The following CDH13 variants were observed in gnomAD, a reference collection of about 807,000 sequenced individuals.
CDH13 encodes the protein cadherin-13.
A neutral mutation model predicts 63.8 loss-of-function variants in CDH13; 24 were observed. That is an observed-to-expected ratio of 0.38 (90% CI 0.27 to 0.53). The LOEUF is 0.53. Ranked by LOEUF, CDH13 falls within the 20% of genes least tolerant of loss-of-function variation. CDH13 has a pLI of 0.85. For synonymous variants in CDH13, 503 were observed against 355.3 expected (o/e 1.42, Z -4.67); for missense variants, 1,049 against 903.1 (o/e 1.16, Z -2.07).
intron 5 of CDH13, among the ~76,000 whole-genome samples, chr16:83,297,707 C>G (rs2089635590): frequency 6.6e-6 from 1 of 152,076 alleles, no homozygotes; most frequent in South Asian, 2.1e-4. Context: ...TCAGATAAGG[C>G]TTTGATGTGA....
intron 2 of CDH13, among the ~76,000 whole-genome samples, chr16:83,009,048 T>C (rs1369250748): frequency 1.3e-5 from 2 of 152,222 alleles, no homozygotes; most frequent in African/African-American, 4.8e-5. Flanking sequence ...GGGAAACTAC[T>C]GCCATTATTC....
chr16:83,058,052 T>C (rs1026824385), intron 3 of CDH13, among the ~76,000 whole-genome samples: 1 of 152,248 alleles, frequency 6.6e-6, no homozygotes, highest in South Asian at 2.1e-4. Context: ...AGTAAGAATA[T>C]TTACTTCTAA....
chr16:82,974,802 G>T (rs1174465907), intron 2 of CDH13, among the ~76,000 whole-genome samples: 1 of 152,192 alleles, frequency 6.6e-6, no homozygotes, highest in Non-Finnish European at 1.5e-5. Flanking sequence ...AAAGGAAGCA[G>T]ATTTGTCCCT....
intron 1 of CDH13, among the ~76,000 whole-genome samples, chr16:82,697,536 C>A (rs979601427): frequency 3.6e-5 from 5 of 138,640 alleles, no homozygotes; most frequent in South Asian, 2.4e-4. Context: ...TCAAGCAATT[C>A]TTCTGCCTCA....
intron 10 of CDH13, among the ~76,000 whole-genome samples, chr16:83,691,071 CGTGTGTGTGTGTGTGTGTGT>C (rs58023339): frequency 0.069 from 9,718 of 140,988 alleles, 537 homozygotes; most frequent in African/African-American, 0.15. Context: ...CCAACTGTGC[CGTGTGTGTGTGTGTGTGTGT>C]GTGTGTGTGT....
intron 6 of CDH13, among the ~76,000 whole-genome samples, chr16:83,345,791 G>C (rs1024437180): frequency 6.6e-6 from 1 of 151,936 alleles, no homozygotes; most frequent in African/African-American, 2.4e-5. Context: ...AAATACACTT[G>C]AGTGAAAAAA....
intron 1 of CDH13, among the ~76,000 whole-genome samples, chr16:82,683,465 C>A (rs901700301): frequency 6.6e-6 from 1 of 152,168 alleles, no homozygotes; most frequent in South Asian, 2.1e-4. Context: ...GGAAGGATGG[C>A]CGTATGGTGA....
chr16:83,764,296 A>G (rs995443406), intron 11 of CDH13, among the ~76,000 whole-genome samples: 5 of 152,182 alleles, frequency 3.3e-5, no homozygotes, highest in Non-Finnish European at 7.3e-5. Context: ...TAGCCAGAAA[A>G]GGTGTCCTTG....
In CDH13 at chr16:82,757,998, C is replaced by T. The variant is rs117579549; in HGVS notation, c.46-100364C>T. Among the ~76,000 whole-genome samples the T allele has an allele frequency of 2.4e-4, 37 of 152,270 alleles. No individual in the cohort carries two copies. The East Asian group carries it at 7.0e-3, about 29-fold the overall frequency. On this transcript the variant is annotated intron_variant, in intron 1 of 13. Coordinates refer to ENST00000567109, the MANE Select transcript of CDH13 (RefSeq NM_001257.5). ...ATCAATCCATTCTGAGGCTAGAAAT[C>T]TCTCTGGCAAGTGTGTGAATGCAAA...
At chr16:83,306,793 C>T (rs1482794880) in intron 5 of CDH13, among the ~76,000 whole-genome samples, 1 of 152,010 alleles carries the variant, frequency 6.6e-6, no homozygotes, top group Non-Finnish European at 1.5e-5. Context: ...AACTGGGAAC[C>T]CACCAAAATA....
At chr16:83,306,620 C>T (rs2089886252) in intron 5 of CDH13, among the ~76,000 whole-genome samples, 1 of 152,124 alleles carries the variant, frequency 6.6e-6, no homozygotes, top group Non-Finnish European at 1.5e-5. Flanking sequence ...TATAATAATT[C>T]TGTAATTATT....
At chr16:83,405,404 G>C (rs11647481) in intron 6 of CDH13, among the ~76,000 whole-genome samples, 112,574 of 152,110 alleles carry the variant, frequency 0.74, 41,821 homozygotes, top group East Asian at 0.88. Context: ...TAACCACAAG[G>C]GTCCTTATAA....
chr16:82,996,604 T>A (rs947806076), intron 2 of CDH13, among the ~76,000 whole-genome samples: 1 of 152,170 alleles, frequency 6.6e-6, no homozygotes, highest in Non-Finnish European at 1.5e-5. Context: ...TGTTTAAGTT[T>A]TACGCCTTAT....
At chr16:82,806,385 T>C (rs564607864) in intron 1 of CDH13, among the ~76,000 whole-genome samples, 3 of 152,336 alleles carry the variant, frequency 2.0e-5, no homozygotes, top group South Asian at 4.1e-4. Context: ...ACAAAACGTA[T>C]ACCAGACACC....
intron 1 of CDH13, among the ~76,000 whole-genome samples, chr16:82,775,817 A>T (rs4783270): frequency 0.23 from 34,628 of 152,096 alleles, 4,442 homozygotes; most frequent in South Asian, 0.37. Flanking sequence ...AAGGTGAGGG[A>T]CATATCCTTT....
chr16:83,003,554 A>G (rs1913166143), intron 2 of CDH13, among the ~76,000 whole-genome samples: 2 of 152,252 alleles, frequency 1.3e-5, no homozygotes, highest in South Asian at 4.1e-4. Context: ...GCTTTATTTC[A>G]TACCCAAGCA....
intron 6 of CDH13, among the ~76,000 whole-genome samples, chr16:83,439,916 C>A (rs1018698329): frequency 6.6e-6 from 1 of 152,142 alleles, no homozygotes; most frequent in African/African-American, 2.4e-5. Flanking sequence ...GTAAAAAATT[C>A]TATGTAGGTC....
chr16:83,743,748 C>CTTTTTTTTTTTTTTTTT lies in CDH13; in HGVS notation c.1539-4357_1539-4341dup, dbSNP rs67886035. ...TGATGAGTTGCCTTTTTTCTTTTTTCTTTTTTTTTTTTTTTTTTTCTTTGC... is the reference window on the plus strand; with the variant it reads ...TGATGAGTTGCCTTTTTTCTTTTTTCTTTTTTTTTTTTTTTTTTTTTTTTTTTTTTTTTTTTCTTTGC... On this transcript the variant is annotated intron_variant, in intron 10 of 13. Coordinates refer to ENST00000567109, the MANE Select transcript of CDH13 (RefSeq NM_001257.5). 1.2e-3 allele frequency among the ~76,000 whole-genome samples: 94 copies of CTTTTTTTTTTTTTTTTT among 76,260 alleles called. 4 individuals are homozygous for CTTTTTTTTTTTTTTTTT. Among genetic ancestry groups the CTTTTTTTTTTTTTTTTT allele is most frequent in the Middle Eastern group, 0.02 (1 of 50 alleles). 50.0% of individuals were successfully genotyped at this position (76,260 alleles called of 152,430 possible).
chr16:83,461,226 A>G (rs941752823), intron 6 of CDH13, among the ~76,000 whole-genome samples: 9 of 152,278 alleles, frequency 5.9e-5, no homozygotes, highest in Admixed American at 2.6e-4. Flanking sequence ...ACATACATGT[A>G]TATGTACATA....
Sources: allele counts gnomAD v4.1 joint callset (sites outside exome capture counted in the v4.1 genomes callset), GRCh38; gene constraint gnomAD v4.1.1; transcripts MANE v1.5; gene names NCBI Gene and HGNC (gene_info 2026-07-23, HGNC 2026-07-21).